Variants in CACNA2D2 observed in about 807,000 individuals in gnomAD.
The protein encoded by CACNA2D2 is calcium voltage-gated channel auxiliary subunit alpha2delta 2, also known as voltage-dependent calcium channel subunit alpha-2/delta-2.
CACNA2D2 carries 48 observed loss-of-function variants against 166.4 expected under a neutral mutation model. The ratio of observed to expected loss-of-function variants is 0.29; its 90% CI spans 0.23 to 0.37. CACNA2D2 has a LOEUF of 0.37. Among genes scored for constraint, CACNA2D2 ranks in the 10% least tolerant of loss-of-function variants. CACNA2D2 has a pLI of 1.00. For synonymous variants in CACNA2D2, 561 were observed against 573.7 expected, an observed-to-expected ratio of 0.98 and a Z score of 0.32; for missense variants, 1,122 against 1,433.0, an observed-to-expected ratio of 0.78 and a Z score of 3.50.
chr3:50,364,008 G>T lies in CACNA2D2; in HGVS notation c.*658C>A, dbSNP rs1231839713. On this transcript the variant is annotated 3_prime_UTR_variant, in exon 38 of 38. Transcript: ENST00000424201. ...ACCCCACCCCATAGTGTGTGTGTTT[G>T]TGCGTGTGCCCAGTGGGGTATGTCG... 2.0e-5 allele frequency: 3 copies of T among 152,564 alleles called. No homozygotes were observed. Among genetic ancestry groups the T allele is most frequent in the Admixed American group, 2.0e-4 (3 of 15,276 alleles). The allele number at this position is 152,564 out of a possible 1,614,324, so 9.5% of individuals were successfully genotyped here.
rs756299401 is a variant in CACNA2D2 at position 50,376,022 on chromosome 3, G to A, written c.1714C>T (p.Arg572Trp). 12 of 1,613,316 alleles carry A rather than the reference G, an allele frequency of 7.4e-6. No homozygotes were observed. Among genetic ancestry groups the A allele is most frequent in the Admixed American group, 3.3e-5 (2 of 60,018 alleles). ...PNLKPQTTNF[R>W]EPVTLDFLDA... ...AGGAAGTCCAGAGTCACAGGCTCCC[G>A]GAAGTTGGTGGTCTGTTGGAGGCAG... The change falls in exon 19 of 38, where the codon CGG (arginine) becomes TGG (tryptophan). Residue 572 changes from arginine (R) to tryptophan (W), a missense_variant. Around this residue, in one of 2 missense-constraint regions of CACNA2D2, gnomAD observed 840 missense variants for 1,166.8 expected, o/e 0.72. Coordinates refer to ENST00000424201, the MANE Select transcript of CACNA2D2 (RefSeq NM_006030.4). The surrounding 1 kb of genome is among the most constrained non-coding windows in gnomAD (Gnocchi z 4.3).
chr3:50,466,736 G>A (rs1246766742), intron 2 of CACNA2D2, among the ~76,000 whole-genome samples: 1 of 152,242 alleles, frequency 6.6e-6, no homozygotes, highest in Non-Finnish European at 1.5e-5. Flanking sequence ...TGCCTTCCCA[G>A]TCTGACCGCC....
At chr3:50,472,872 C>T (rs1392044193) in intron 2 of CACNA2D2, among the ~76,000 whole-genome samples, 3 of 152,210 alleles carry the variant, frequency 2.0e-5, no homozygotes, top group African/African-American at 7.2e-5. Context: ...TATTCTCCCC[C>T]AGGATGGGAC....
At chr3:50,501,726 G>A (rs561044878) in intron 1 of CACNA2D2, among the ~76,000 whole-genome samples, 4 of 152,282 alleles carry the variant, frequency 2.6e-5, no homozygotes, top group South Asian at 4.1e-4. Flanking sequence ...GGCTTGGCTC[G>A]TGCTTGGCTT....
chr3:50,443,209 C>T (rs1708686345), intron 2 of CACNA2D2, among the ~76,000 whole-genome samples: 1 of 152,206 alleles, frequency 6.6e-6, no homozygotes. Context: ...GGTGTGGGCG[C>T]CCATGTTTAT....
At chr3:50,426,020 C>G (rs537282092) in intron 3 of CACNA2D2, among the ~76,000 whole-genome samples, 5 of 152,310 alleles carry the variant, frequency 3.3e-5, no homozygotes, top group Admixed American at 3.3e-4. Flanking sequence ...CTGCCCTCCA[C>G]CCGGCTTTCT....
intron 1 of CACNA2D2, among the ~76,000 whole-genome samples, chr3:50,482,208 TG>T (rs1371140370): frequency 2.0e-5 from 3 of 152,284 alleles, no homozygotes; most frequent in Middle Eastern, 3.4e-3. Context: ...AAGCAGGGCT[TG>T]GAACAAGGCT....
chr3:50,393,834 T>C lies in CACNA2D2; in HGVS notation c.465+275A>G, dbSNP rs372829093. ...GCTCTCCAAGAATCTGAACACCTTATCTGGGGAACACAGGGAACACTACTT... is the reference window on the plus strand; with the variant it reads ...GCTCTCCAAGAATCTGAACACCTTACCTGGGGAACACAGGGAACACTACTT... On this transcript the variant is annotated intron_variant, in intron 4 of 37. Transcript: ENST00000424201. Among the ~76,000 whole-genome samples the C allele has an allele frequency of 1.3e-3, 194 of 152,306 alleles. 7 individuals carry two copies. The South Asian group carries it at 0.039, about 31-fold the overall frequency.
intron 3 of CACNA2D2, among the ~76,000 whole-genome samples, chr3:50,424,737 G>A (rs1024047830): frequency 1.3e-5 from 2 of 152,184 alleles, no homozygotes; most frequent in African/African-American, 2.4e-5. Context: ...CTGAAGCAAC[G>A]GAACCTGAGG....
chr3:50,484,721 T>C (rs564421342), intron 1 of CACNA2D2, among the ~76,000 whole-genome samples: 8 of 152,256 alleles, frequency 5.3e-5, no homozygotes, highest in Non-Finnish European at 1.2e-4. Context: ...TTGGCTAGTA[T>C]TCCATCAGAC....
At chr3:50,444,278 T>A (rs930050880) in intron 2 of CACNA2D2, among the ~76,000 whole-genome samples, 2 of 152,174 alleles carry the variant, frequency 1.3e-5, no homozygotes, top group Non-Finnish European at 2.9e-5. Flanking sequence ...ATCTTACAGA[T>A]GAGGATACTG....
chr3:50,405,765 G>A (rs1246399579), intron 3 of CACNA2D2, among the ~76,000 whole-genome samples: 4 of 152,196 alleles, frequency 2.6e-5, no homozygotes, highest in Non-Finnish European at 5.9e-5. Flanking sequence ...GAGGCCTGGA[G>A]GGACTGTCAG....
At chr3:50,470,311 C>T (rs1322305578) in intron 2 of CACNA2D2, among the ~76,000 whole-genome samples, 2 of 152,208 alleles carry the variant, frequency 1.3e-5, no homozygotes, top group Non-Finnish European at 2.9e-5. Flanking sequence ...CTGGCCCAGC[C>T]TCAGCAGCCT....
rs1042320368 is a variant in CACNA2D2 at position 50,407,132 on chromosome 3, C to T, written c.406-12964G>A. Among the ~76,000 whole-genome samples the T allele has an allele frequency of 1.3e-5, 2 of 151,768 alleles. 1 individual carries two copies. Among genetic ancestry groups the T allele is most frequent in the Admixed American group, 1.3e-4 (2 of 15,258 alleles). ...TAAACACACCACAGGCAGGGTCTGC[C>T]TTGATGATCATCCCTTCAAGGTGAA... is the stretch of plus-strand genomic sequence containing the variant. On this transcript the variant is annotated intron_variant, in intron 3 of 37. Coordinates refer to ENST00000424201, the MANE Select transcript of CACNA2D2 (RefSeq NM_006030.4).
chr3:50,388,069 G>A (rs1705700143), intron 4 of CACNA2D2, among the ~76,000 whole-genome samples: 1 of 152,182 alleles, frequency 6.6e-6, no homozygotes, highest in Non-Finnish European at 1.5e-5. Flanking sequence ...AATTATCTGT[G>A]ATTTGTTGTG....
At position 50,427,585 on chromosome 3, in the gene CACNA2D2, C is replaced by T. The variant is rs1036159779; in HGVS notation, c.405+6728G>A. ...ATAATGGAGGGGAGGCAGAAGCCAT[C>T]GCCAGCCCCACATAAACACCTTTTA... On this transcript the variant is annotated intron_variant, in intron 3 of 37. Transcript: ENST00000424201. The surrounding 1 kb of genome is among the most constrained non-coding windows in gnomAD (Gnocchi z 4.7). 3.9e-5 allele frequency among the ~76,000 whole-genome samples: 6 copies of T among 152,230 alleles called. No individual in the cohort carries two copies. The highest frequency in any genetic ancestry group is 7.3e-5 in the Non-Finnish European group (5 of 68,042).
intron 1 of CACNA2D2, among the ~76,000 whole-genome samples, chr3:50,501,564 C>T (rs57361338): frequency 0.12 from 17,511 of 152,220 alleles, 1,151 homozygotes; most frequent in Non-Finnish European, 0.14. Flanking sequence ...GTTCTCACAT[C>T]GGCCTTCTAG....
intron 2 of CACNA2D2, among the ~76,000 whole-genome samples, chr3:50,449,708 C>T (rs540088454): frequency 1.3e-5 from 2 of 152,210 alleles, no homozygotes; most frequent in South Asian, 2.1e-4. Flanking sequence ...GTGATGCCTC[C>T]GCCACACCAC....
intron 1 of CACNA2D2, among the ~76,000 whole-genome samples, chr3:50,496,371 G>A (rs1328880706): frequency 5.3e-5 from 8 of 152,252 alleles, no homozygotes; most frequent in African/African-American, 1.4e-4. Flanking sequence ...GCACAAGCAT[G>A]CTTAGATGTG....
Sources: gnomAD v4.1 joint callset for allele counts (sites outside exome capture counted in the v4.1 genomes callset) on GRCh38, gnomAD v4.1.1 for gene constraint, gnomAD v4.1.1 regional missense constraint, Gnocchi (gnomAD v3.1) non-coding constraint, MANE v1.5 for transcripts, NCBI Gene and HGNC (gene_info 2026-07-23, HGNC 2026-07-21) for gene names.